MYL2: variants seen among roughly 807,000 people sequenced by gnomAD.
The protein encoded by MYL2 is myosin light chain 2.
A neutral mutation model predicts 23.0 loss-of-function variants in MYL2; 19 were observed. The ratio of observed to expected loss-of-function variants is 0.83; its 90% confidence interval spans 0.58 to 1.21. The LOEUF (loss-of-function observed/expected upper bound fraction) is 1.21. MYL2 is among the 50% of genes most tolerant of loss of function. The probability of loss-of-function intolerance (pLI) is 0.00; values close to 1 mark genes in which losing one functional copy is unlikely to be tolerated. For synonymous variants in MYL2, 78 were observed against 76.2 expected (o/e 1.02, Z -0.13); for missense variants, 180 against 215.1 (o/e 0.84, Z 1.02).
At chr12:110,920,615 C>A (rs763143684), upstream of MYL2, 1 of 1,603,114 alleles carries the variant, frequency 6.2e-7, no homozygotes. Flanking sequence ...AATACTTCCT[C>A]CCCATGTTTA....
chr12:110,913,796 A>AGGCC (rs1465718849), intron 4 of MYL2, among the ~76,000 whole-genome samples: 1 of 152,184 alleles, frequency 6.6e-6, no homozygotes, highest in Non-Finnish European at 1.5e-5. Context: ...CTTGTTACCA[A>AGGCC]GGCCGGAGTG....
upstream of MYL2, chr12:110,920,693 C>CA: frequency 1.0e-6 from 1 of 981,160 alleles, no homozygotes; most frequent in Non-Finnish European, 1.6e-6. Flanking sequence ...CCCCCCACCC[C>CA]ATGCCGTTCT....
In MYL2 at chr12:110,914,219, CAGT is replaced by C. The variant is rs1566148685; in HGVS notation, c.238_240del (p.Thr80del). ...TTCTCCCCAAACATTGTGAGGAACA[CAGT>C]AAAGTTAATTGGACCCGGAGCCTCC... On this transcript the variant is annotated inframe_deletion, in exon 4 of 7. Coordinates refer to ENST00000228841, the MANE Select transcript of MYL2 (RefSeq NM_000432.4). 6.2e-7 allele frequency: 1 copy of C among 1,614,014 alleles called. No homozygotes were observed. Among genetic ancestry groups the C allele is most frequent in the African/African-American group, 1.3e-5 (1 of 74,998 alleles).
At chr12:110,911,528 C>T (rs2071653033) in intron 6 of MYL2, among the ~76,000 whole-genome samples, 1 of 152,218 alleles carries the variant, frequency 6.6e-6, no homozygotes, top group South Asian at 2.1e-4. Flanking sequence ...TCAACTTCTT[C>T]CTTCATGCAC....
At chr12:110,914,159 G>C (rs878982798) in intron 4 of MYL2, 27 bp downstream of exon 4, 14 of 1,376,630 alleles carry the variant, frequency 1.0e-5, no homozygotes, top group South Asian at 3.6e-5. Context: ...CATACACACA[G>C]ACACACACAC....
At chr12:110,912,134 A>C (rs998939026) in intron 6 of MYL2, among the ~76,000 whole-genome samples, 1 of 152,180 alleles carries the variant, frequency 6.6e-6, no homozygotes, top group Non-Finnish European at 1.5e-5. Context: ...TAAAATGTGG[A>C]ACTTGATGGA....
At position 110,915,762 on chromosome 12, in the gene MYL2, TC is replaced by T; in HGVS notation, c.121del (p.Asp41MetfsTer9). 6.2e-7 allele frequency: 1 copy of T among 1,614,174 alleles called. No individual in the cohort carries two copies. Among genetic ancestry groups the T allele is most frequent in the Non-Finnish European group, 8.5e-7 (1 of 1,180,020 alleles). ...CAGATCGTTCTTGTCAATGAAGCCA[TC>T]CCTGTTCTGGTCCATGATAGTGAAG... ...EAFTIMDQNR[D>X]GFIDKNDLRD... On this transcript the variant is annotated frameshift_variant, in exon 3 of 7. Transcript: ENST00000228841. LOFTEE classifies it high-confidence loss of function.
Position 110,911,305 on chromosome 12 carries a change from G to A in MYL2, c.403-130C>T, listed in dbSNP as rs2071651537. ...GGGATGGGAACATGGGCCACTCAGA[G>A]GGTCCTCCGGGGAAGGACTTCCCCA... On this transcript the variant is annotated intron_variant, in intron 6 of 6. Transcript: ENST00000228841. 8.8e-6 allele frequency: 6 copies of A among 678,232 alleles called. No homozygotes were observed. The South Asian group carries it at 1.0e-4, about 12-fold the overall frequency. 42.0% of individuals were successfully genotyped at this position (678,232 alleles called of 1,614,324 possible).
intron 2 of MYL2, among the ~76,000 whole-genome samples, 179 bp from the exon 3 acceptor site, chr12:110,915,969 G>A (rs867173896): frequency 2.6e-5 from 4 of 152,188 alleles, no homozygotes; most frequent in East Asian, 1.9e-4. Flanking sequence ...GTCAGGCCTC[G>A]TGTTATCATA....
At chr12:110,912,859 T>C (rs944064755) in intron 6 of MYL2, among the ~76,000 whole-genome samples, 7 of 152,198 alleles carry the variant, frequency 4.6e-5, no homozygotes, top group South Asian at 2.1e-4. Flanking sequence ...TTATTGTTAT[T>C]TTAGATGAGT....
chr12:110,912,306 A>G (rs1394796990), intron 6 of MYL2, among the ~76,000 whole-genome samples: 1 of 152,214 alleles, frequency 6.6e-6, no homozygotes, highest in Admixed American at 6.5e-5. Context: ...TTGAAAAAAA[A>G]AAAAATTATT....
intron 2 of MYL2, 77 bp downstream of exon 2, chr12:110,919,027 G>T: frequency 7.3e-7 from 1 of 1,370,556 alleles, no homozygotes; most frequent in Non-Finnish European, 1.0e-6. Flanking sequence ...TCCCTGCTGG[G>T]AATATGGAAC....
chr12:110,919,289 G>T, intron 1 of MYL2, 96 bp from the exon 2 acceptor site: 1 of 981,500 alleles, frequency 1.0e-6, no homozygotes. Context: ...CTGTTGCAGG[G>T]CTCAGCTGCC....
intron 2 of MYL2, among the ~76,000 whole-genome samples, chr12:110,916,142 C>T (rs1417788614): frequency 6.6e-6 from 1 of 152,210 alleles, no homozygotes; most frequent in African/African-American, 2.4e-5. Context: ...TCAAGACCAG[C>T]CTGGCCAACA....
intron 1 of MYL2, 77 bp from the exon 2 acceptor site, chr12:110,919,270 T>C: frequency 8.4e-7 from 1 of 1,197,490 alleles, no homozygotes; most frequent in Non-Finnish European, 1.2e-6. Flanking sequence ...ACTCTGGGTG[T>C]GTTCATCTCT....
Position 110,915,793 on chromosome 12 carries a change from G to A in MYL2, c.94-3C>T, listed in dbSNP as rs112865045. Reference sequence around the variant, plus strand: ...TTCTGGTCCATGATAGTGAAGGCCTGTGGAAGGGAAGTGATTGGCAGCTCA... The same window carrying A: ...TTCTGGTCCATGATAGTGAAGGCCTATGGAAGGGAAGTGATTGGCAGCTCA... On this transcript the variant is annotated splice_polypyrimidine_tract_variant and splice_region_variant and intron_variant, in intron 2 of 6. Coordinates refer to ENST00000228841, the MANE Select transcript of MYL2 (RefSeq NM_000432.4). 34 of 1,614,084 alleles carry A rather than the reference G, an allele frequency of 2.1e-5. No homozygotes were observed. The South Asian group carries it at 3.0e-4, about 14-fold the overall frequency.
intron 4 of MYL2, 143 bp downstream of exon 4, chr12:110,914,043 C>T (rs1198878739): frequency 1.4e-6 from 1 of 714,272 alleles, no homozygotes; most frequent in Non-Finnish European, 2.5e-6. Context: ...CAGGCATCAG[C>T]CACTGCGCCC....
intron 6 of MYL2, among the ~76,000 whole-genome samples, chr12:110,911,955 G>A (rs1383047969): frequency 6.6e-6 from 1 of 152,204 alleles, no homozygotes; most frequent in African/African-American, 2.4e-5. Context: ...TCGAATCCTC[G>A]CAATCTCCTA....
In MYL2 at chr12:110,914,174, A is replaced by ACG. The variant is rs1432109016; in HGVS notation, c.274+11_274+12insCG. 15 of 1,597,064 alleles carry ACG rather than the reference A, an allele frequency of 9.4e-6. No homozygotes were observed. The highest frequency in any genetic ancestry group is 1.7e-5 in the Admixed American group (1 of 59,942). ...CATACACACAGACACACACACACAC[A>ACG]CACGACCTTACCCTTAAGTTTCTCC... On this transcript the variant is annotated intron_variant, in intron 4 of 6. Transcript: ENST00000228841.
Sources: gnomAD v4.1 joint callset for allele counts (sites outside exome capture counted in the v4.1 genomes callset) on GRCh38, gnomAD v4.1.1 for gene constraint, MANE v1.5 for transcripts, NCBI Gene and HGNC (gene_info 2026-07-23, HGNC 2026-07-21) for gene names.